Variants in TMPRSS5 observed in about 807,000 individuals in gnomAD.
The protein encoded by TMPRSS5 is transmembrane protease serine 5.
TMPRSS5 carries 45 observed loss-of-function variants against 59.7 expected under a neutral mutation model. The observed-to-expected ratio is 0.75, with a 90% CI of 0.59 to 0.97. TMPRSS5 has a LOEUF of 0.97. TMPRSS5 is among the 50% of genes least tolerant of loss of function. The pLI is 0.00. For missense variants in TMPRSS5, 585 were observed against 596.7 expected, an observed-to-expected ratio of 0.98 and a Z score of 0.20; for synonymous variants, 225 against 232.0, an observed-to-expected ratio of 0.97 and a Z score of 0.27.
Position 113,691,889 on chromosome 11 carries a change from TTTC to T in TMPRSS5, c.965-953_965-951del, listed in dbSNP as rs1274900936. Among the ~76,000 whole-genome samples the T allele has an allele frequency of 6.7e-4, 72 of 106,946 alleles. 3 individuals are homozygous for T. The highest frequency in any genetic ancestry group is 2.5e-3 in the Admixed American group (26 of 10,360). 70.2% of individuals were successfully genotyped at this position (106,946 alleles called of 152,430 possible). A position where few individuals can be genotyped will look rare whatever the true frequency, so the allele number is the denominator to read the frequency against. The stretch of plus-strand genomic sequence containing the variant: ...CTAAGAAAGTTTTCTTTTCCTTTTT[TTTC>T]TTTTTTTTTTTTTGAGACGGAGTCT... On this transcript the variant is annotated intron_variant, in intron 9 of 12. Transcript: ENST00000299882.
At chr11:113,694,297 ACT>A in intron 8 of TMPRSS5, 179 bp downstream of exon 8, 2 of 463,976 alleles carry the variant, frequency 4.3e-6, no homozygotes, top group Non-Finnish European at 7.6e-6. Context: ...TCATATTATT[ACT>A]GTTATTTGTG....
chr11:113,691,058 C>T lies in TMPRSS5; in HGVS notation c.965-119G>A, dbSNP rs76824718. 4,766 of 920,080 alleles carry T rather than the reference C, an allele frequency of 5.2e-3. 174 individuals carry two copies. The African/African-American group carries it at 0.072, about 14-fold the overall frequency. The allele number at this position is 920,080 out of a possible 1,614,324, so 57.0% of individuals were successfully genotyped here. A position where few individuals can be genotyped will look rare whatever the true frequency, so the allele number is the denominator to read the frequency against. On this transcript the variant is annotated intron_variant, in intron 9 of 12. Coordinates refer to ENST00000299882, the MANE Select transcript of TMPRSS5 (RefSeq NM_030770.4). ...CAGCCCCCTTCTCAAACAGTCCTGG[C>T]TCCTGGGTTCCACCAGCCAGGCCTC...
At chr11:113,688,699 T>G (rs1371354247) in intron 12 of TMPRSS5, among the ~76,000 whole-genome samples, 1 of 152,112 alleles carries the variant, frequency 6.6e-6, no homozygotes, top group East Asian at 1.9e-4. Flanking sequence ...ACCTCCCAAG[T>G]AGCTGGGTGC....
chr11:113,690,509 C>A, intron 10 of TMPRSS5, 136 bp from the exon 11 acceptor site: 1 of 1,347,976 alleles, frequency 7.4e-7, no homozygotes, highest in South Asian at 1.5e-5. Context: ...GCTGTGGACG[C>A]TGAGCAAGGA....
chr11:113,693,237 G>A lies in TMPRSS5; in HGVS notation c.798C>T (p.Ala266=). 1 of 1,567,878 alleles carries A rather than the reference G, an allele frequency of 6.4e-7. No homozygotes were observed. The highest frequency in any genetic ancestry group is 8.7e-7 in the Non-Finnish European group (1 of 1,155,014). The part of the protein sequence containing the change: ...AAHCMHSFRL[A]RLSSWRVHAG... ...CATGAACCCGCCAGCTGGACAGGCG[G>A]GCCAGCCTGAAACTGCACACAGGGG... is the stretch of plus-strand genomic sequence containing the variant. Residue 266 remains alanine (A), a synonymous_variant, in exon 9 of 13, where the codon GCC becomes GCT. Coordinates refer to ENST00000299882, the MANE Select transcript of TMPRSS5 (RefSeq NM_030770.4).
chr11:113,705,974 T>C (rs1227931011), intron 1 of TMPRSS5, among the ~76,000 whole-genome samples: 1 of 152,140 alleles, frequency 6.6e-6, no homozygotes, highest in African/African-American at 2.4e-5. Flanking sequence ...GTAATAACGA[T>C]TTGTTGAGCA....
chr11:113,697,034 A>G (rs998895139), intron 5 of TMPRSS5, 63 bp from the exon 6 acceptor site: 2 of 1,306,910 alleles, frequency 1.5e-6, no homozygotes, highest in Admixed American at 2.0e-5. Context: ...GAGATATAAT[A>G]CTAGTATAGT....
Position 113,693,255 on chromosome 11 carries a change from C to A in TMPRSS5, c.786-6G>T. ...ACAGGCGGGCCAGCCTGAAACTGCA[C>A]ACAGGGGCCATGCTGAGCGGGGAAG... On this transcript the variant is annotated splice_polypyrimidine_tract_variant and splice_region_variant and intron_variant, in intron 8 of 12. Transcript: ENST00000299882. 6.5e-7 allele frequency: 1 copy of A among 1,548,374 alleles called. No homozygotes were observed. Among genetic ancestry groups the A allele is most frequent in the Non-Finnish European group, 8.7e-7 (1 of 1,145,814 alleles).
In TMPRSS5 at chr11:113,690,863, C is replaced by A. The variant is rs189987760; in HGVS notation, c.1041G>T (p.Trp347Cys). ...PKGSRCWVSG[W>C]GHTHPSHTYS... Reference sequence around the variant, plus strand: ...CACTATGGCTAGGGTGGGTGTGGCCCCAGCCAGACACCCAGCACCGCGAGC... The same window carrying A: ...CACTATGGCTAGGGTGGGTGTGGCCACAGCCAGACACCCAGCACCGCGAGC... The change falls in exon 10 of 13, where the codon TGG becomes TGT. Residue 347 changes from tryptophan to cysteine, a missense_variant. Transcript: ENST00000299882. The A allele has an allele frequency of 8.8e-6, 14 of 1,592,782 alleles. No individual in the cohort carries two copies. The East Asian group carries it at 2.5e-4, about 28-fold the overall frequency.
chr11:113,689,631 C>T (rs768189914), intron 12 of TMPRSS5, 134 bp downstream of exon 12: 55 of 863,626 alleles, frequency 6.4e-5, no homozygotes, highest in Non-Finnish European at 9.3e-5. Context: ...CTTCTTCCTC[C>T]ACTCACTCTG....
chr11:113,700,228 A>G, intron 1 of TMPRSS5, 60 bp from the exon 2 acceptor site: 2 of 1,403,900 alleles, frequency 1.4e-6, no homozygotes, highest in South Asian at 1.5e-5. Context: ...GAGAGAAGTC[A>G]CAGCCCAGTC....
chr11:113,697,237 C>T, intron 5 of TMPRSS5, 46 bp downstream of exon 5: 1 of 1,578,786 alleles, frequency 6.3e-7, no homozygotes, highest in South Asian at 1.2e-5. Context: ...CATCCCACAC[C>T]AGCCAGGCCT....
chr11:113,697,486 A>G (rs1952964312), intron 4 of TMPRSS5, 68 bp from the exon 5 acceptor site: 3 of 1,565,430 alleles, frequency 1.9e-6, no homozygotes. Flanking sequence ...GAAGAGCTGG[A>G]CCCAGGATTC....
rs1565263537 is a variant in TMPRSS5, at chr11:113,699,250, T to C, written c.206-223A>G. Among the ~76,000 whole-genome samples, 321 of 85,460 alleles carry C rather than the reference T, an allele frequency of 3.8e-3. 14 individuals are homozygous for C. Among genetic ancestry groups the C allele is most frequent in the East Asian group, 0.029 (75 of 2,596 alleles). 56.1% of individuals were successfully genotyped at this position (85,460 alleles called of 152,430 possible). On this transcript the variant is annotated intron_variant, in intron 3 of 12. Transcript: ENST00000299882. ...CTCTCTCTCTCTCTCTCTCTCTCTC[T>C]CTCTCTCTCTCTCTCTCTCTCCCTC...
At position 113,697,436 on chromosome 11, in the gene TMPRSS5, A is replaced by G; in HGVS notation, c.329-18T>C. The G allele has an allele frequency of 1.9e-6, 3 of 1,612,770 alleles. No homozygotes were observed. Among genetic ancestry groups the G allele is most frequent in the Non-Finnish European group, 2.5e-6 (3 of 1,179,168 alleles). The stretch of plus-strand genomic sequence containing the variant: ...GAAAGATACTGAAATCACAGCATGA[A>G]AACCACATGGGAGAGGATGGTGGTG... On this transcript the variant is annotated intron_variant, in intron 4 of 12. Transcript: ENST00000299882.
At chr11:113,699,511 G>T in intron 3 of TMPRSS5, 84 bp downstream of exon 3, 1 of 1,136,254 alleles carries the variant, frequency 8.8e-7, no homozygotes. Context: ...GAAGACAGTT[G>T]TCCCATTTAC....
chr11:113,704,903 G>A (rs1011553515), intron 1 of TMPRSS5, among the ~76,000 whole-genome samples: 1 of 147,198 alleles, frequency 6.8e-6, no homozygotes, highest in Non-Finnish European at 1.5e-5. Flanking sequence ...GACAGAGGGG[G>A]AGGTACAAAT....
intron 5 of TMPRSS5, 36 bp downstream of exon 5, chr11:113,697,247 T>TC: frequency 6.3e-7 from 1 of 1,588,918 alleles, no homozygotes; most frequent in Non-Finnish European, 8.6e-7. Context: ...CAGCCAGGCC[T>TC]CCCCCTTCAC....
At chr11:113,706,101 C>T in intron 1 of TMPRSS5, 121 bp downstream of exon 1, 1 of 1,217,114 alleles carries the variant, frequency 8.2e-7, no homozygotes, top group South Asian at 1.3e-5. Context: ...GGATCCAGCC[C>T]CTGTACCAGA....
Sources: gnomAD v4.1 joint callset for allele counts (sites outside exome capture counted in the v4.1 genomes callset) on GRCh38, gnomAD v4.1.1 for gene constraint, MANE v1.5 for transcripts, NCBI Gene and HGNC (gene_info 2026-07-23, HGNC 2026-07-21) for gene names.